TMEM233: variants seen among roughly 807,000 people sequenced by gnomAD.
TMEM233 encodes transmembrane protein 233.
In TMEM233, 6 loss-of-function variants were observed where a neutral mutation model predicts 11.2. The ratio of observed to expected loss-of-function variants is 0.54; its 90% CI spans 0.29 to 1.06. The LOEUF (loss-of-function observed/expected upper bound fraction) is 1.06. TMEM233 is among the 50% of genes least tolerant of loss of function. TMEM233 has a pLI of 0.08. For missense variants in TMEM233, 127 were observed against 144.7 expected (o/e 0.88, Z 0.63); for synonymous variants, 59 against 55.8 (o/e 1.06, Z -0.26).
Position 119,640,862 on chromosome 12 carries a change from A to G in TMEM233, c.*157A>G. On this transcript the variant is annotated 3_prime_UTR_variant, in exon 3 of 3. Transcript: ENST00000426426. ...GTCCCTGGCAAATGAACAAGAAAAA[A>G]AAAAAAAAAAAGTCCAAAATTTAGG... The G allele has an allele frequency of 2.1e-5, 16 of 773,756 alleles. No homozygotes were observed. The highest frequency in any genetic ancestry group is 2.8e-5 in the South Asian group (1 of 35,202). 47.9% of individuals were successfully genotyped at this position (773,756 alleles called of 1,614,324 possible).
rs1953969762 is a variant in TMEM233 at position 119,593,923 on chromosome 12, C to T, written c.75C>T (p.Asp25=). The T allele has an allele frequency of 3.9e-6, 6 of 1,551,766 alleles. No homozygotes were observed. Among genetic ancestry groups the T allele is most frequent in the Non-Finnish European group, 5.2e-6 (6 of 1,146,996 alleles). The change falls in exon 1 of 3, where the codon GAC becomes GAT. Residue 25 remains aspartate, a synonymous_variant. Coordinates refer to ENST00000426426, the MANE Select transcript of TMEM233 (RefSeq NM_001136534.3). The surrounding 1 kb of genome is among the most constrained non-coding windows in gnomAD (Gnocchi z 4.1). Reference sequence around the variant, plus strand: ...GTCCCGAGGCCAACACTGAAGATGACAAGACCGAGGAGGACGTGCCCATGC... The same window carrying T: ...GTCCCGAGGCCAACACTGAAGATGATAAGACCGAGGAGGACGTGCCCATGC... ...DSSPEANTED[D]KTEEDVPMPK...
Position 119,641,929 on chromosome 12 carries a change from G to C in TMEM233, c.*1224G>C, listed in dbSNP as rs1955088348. 1 of 152,160 alleles carries C rather than the reference G, an allele frequency of 6.6e-6. No individual in the cohort carries two copies. Among genetic ancestry groups the C allele is most frequent in the South Asian group, 2.1e-4 (1 of 4,834 alleles). The allele number at this position is 152,160 out of a possible 1,614,324, so 9.4% of individuals were successfully genotyped here. On this transcript the variant is annotated 3_prime_UTR_variant, in exon 3 of 3. Transcript: ENST00000426426. The stretch of plus-strand genomic sequence containing the variant: ...AGCAGGCCTCAGAGTCTTCTGTCTA[G>C]ATAGAATTTAATGATATTGTTTTGT...
At chr12:119,648,710 T>A in the TMEM233 span, among the ~76,000 whole-genome samples, 2 of 152,222 alleles carry the variant, frequency 1.3e-5, no homozygotes, top group Non-Finnish European at 2.9e-5. Context: ...CCTAGCTTGG[T>A]ACCTGGCACA....
chr12:119,630,406 C>G (rs1954854392), intron 2 of TMEM233, among the ~76,000 whole-genome samples: 1 of 152,222 alleles, frequency 6.6e-6, no homozygotes, highest in East Asian at 1.9e-4. Flanking sequence ...CAGAAGTCAA[C>G]AAACTTTGTC....
chr12:119,637,048 G>A (rs868670237), intron 2 of TMEM233, among the ~76,000 whole-genome samples: 1 of 152,148 alleles, frequency 6.6e-6, no homozygotes, highest in Non-Finnish European at 1.5e-5. Flanking sequence ...CACACTCTGG[G>A]CTCACATAGA....
chr12:119,635,299 A>G (rs1385716253), intron 2 of TMEM233, among the ~76,000 whole-genome samples: 1 of 152,188 alleles, frequency 6.6e-6, no homozygotes, highest in Admixed American at 6.5e-5. Flanking sequence ...TAAAAATGCA[A>G]GTTCCTGGAC....
At chr12:119,636,205 A>G (rs547220674) in intron 2 of TMEM233, among the ~76,000 whole-genome samples, 4 of 152,232 alleles carry the variant, frequency 2.6e-5, no homozygotes, top group Non-Finnish European at 4.4e-5. Flanking sequence ...TTGCCTCATT[A>G]GAACAAATAT....
chr12:119,617,478 A>G (rs1320004215), intron 1 of TMEM233, among the ~76,000 whole-genome samples: 1 of 152,222 alleles, frequency 6.6e-6, no homozygotes, highest in Non-Finnish European at 1.5e-5. Flanking sequence ...TACATGGCAA[A>G]GCACTAAAGA....
downstream of TMEM233, among the ~76,000 whole-genome samples, chr12:119,647,936 C>A (rs1003424071): frequency 3.3e-5 from 5 of 152,056 alleles, no homozygotes; most frequent in Non-Finnish European, 5.9e-5. Flanking sequence ...CCCTTGGCTG[C>A]CTCTCAGATC....
chr12:119,616,230 T>C (rs993472243), intron 1 of TMEM233, among the ~76,000 whole-genome samples: 21 of 152,044 alleles, frequency 1.4e-4, no homozygotes, highest in African/African-American at 5.1e-4. Flanking sequence ...AAGAGAAGAG[T>C]CACTGCAGGA....
At chr12:119,623,502 G>A (rs972692785) in intron 1 of TMEM233, among the ~76,000 whole-genome samples, 2 of 148,978 alleles carry the variant, frequency 1.3e-5, no homozygotes, top group African/African-American at 5.0e-5. Flanking sequence ...GAGGTCAGGA[G>A]TTTGACACCA....
intron 1 of TMEM233, among the ~76,000 whole-genome samples, chr12:119,626,334 G>A (rs922404022): frequency 6.6e-6 from 1 of 151,956 alleles, no homozygotes; most frequent in African/African-American, 2.4e-5. Flanking sequence ...GCCACGCGTG[G>A]TGGCAGGCAC....
At chr12:119,603,857 C>T (rs941042902) in intron 1 of TMEM233, among the ~76,000 whole-genome samples, 1 of 152,194 alleles carries the variant, frequency 6.6e-6, no homozygotes, top group Admixed American at 6.5e-5. Flanking sequence ...CTGCTCCTAC[C>T]TTTATCTCTG....
rs1350847200 is a variant in TMEM233, at chr12:119,594,423, C to G, written c.186+389C>G. On this transcript the variant is annotated intron_variant, in intron 1 of 2. Transcript: ENST00000426426. The surrounding 1 kb of genome is among the most constrained non-coding windows in gnomAD (Gnocchi z 5.6). ...TTTCTAGAGCCCCAGTGCGCGCCAC[C>G]CTAGCGAGCGCAGTAAGCTCATACC... is the stretch of plus-strand genomic sequence containing the variant. 1 of 197,360 alleles carries G rather than the reference C, an allele frequency of 5.1e-6. No homozygotes were observed. Among genetic ancestry groups the G allele is most frequent in the Non-Finnish European group, 1.0e-5 (1 of 96,588 alleles). 12.2% of individuals were successfully genotyped at this position (197,360 alleles called of 1,614,324 possible). A position where few individuals can be genotyped will look rare whatever the true frequency, so the allele number is the denominator to read the frequency against.
chr12:119,636,525 C>T (rs887384231), intron 2 of TMEM233, among the ~76,000 whole-genome samples: 4 of 152,070 alleles, frequency 2.6e-5, no homozygotes, highest in East Asian at 1.9e-4. Context: ...ATTATGTTGC[C>T]CCGGCTGGTC....
chr12:119,596,227 A>G lies in TMEM233; in HGVS notation c.186+2193A>G, dbSNP rs140998990. Among the ~76,000 whole-genome samples the G allele has an allele frequency of 3.9e-5, 6 of 152,204 alleles. No individual in the cohort carries two copies. In the East Asian group the frequency reaches 1.2e-3, roughly 30 times the overall value. Reference sequence around the variant, plus strand: ...TGGCTGGCACTGGTGCCCACATTCTATCCTGCTTTATTAATGAAGCAGCCA... The same window carrying G: ...TGGCTGGCACTGGTGCCCACATTCTGTCCTGCTTTATTAATGAAGCAGCCA... On this transcript the variant is annotated intron_variant, in intron 1 of 2. Transcript: ENST00000426426.
intron 1 of TMEM233, among the ~76,000 whole-genome samples, chr12:119,596,652 C>T (rs1954055091): frequency 6.6e-6 from 1 of 151,906 alleles, no homozygotes; most frequent in African/African-American, 2.4e-5. Flanking sequence ...GCCACCACGC[C>T]CGACTAATTT....
rs181842940 is a variant in TMEM233, at chr12:119,608,294, A to G, written c.186+14260A>G. The stretch of plus-strand genomic sequence containing the variant: ...CATGTTTTTGAAAGACATGTGGCCC[A>G]TGATCTTTTCCCTTGAAAAGATTCC... On this transcript the variant is annotated intron_variant, in intron 1 of 2. Coordinates refer to ENST00000426426, the MANE Select transcript of TMEM233 (RefSeq NM_001136534.3). Among the ~76,000 whole-genome samples, 209 of 152,316 alleles carry G rather than the reference A, an allele frequency of 1.4e-3. 1 individual carries two copies. The highest frequency in any genetic ancestry group is 0.012 in the Admixed American group (183 of 15,302).
chr12:119,612,523 C>T (rs983200474), intron 1 of TMEM233, among the ~76,000 whole-genome samples: 17 of 152,000 alleles, frequency 1.1e-4, no homozygotes, highest in East Asian at 3.9e-4. Flanking sequence ...CTGAGGCAGG[C>T]GGATCACGAG....
Sources: gnomAD v4.1 joint callset for allele counts (sites outside exome capture counted in the v4.1 genomes callset) on GRCh38, gnomAD v4.1.1 for gene constraint, Gnocchi (gnomAD v3.1) non-coding constraint, MANE v1.5 for transcripts, NCBI Gene and HGNC (gene_info 2026-07-23, HGNC 2026-07-21) for gene names.